The following DOCK4 variants were observed in gnomAD, a reference collection of about 807,000 sequenced individuals.
DOCK4 encodes the protein dedicator of cytokinesis protein 4.
A neutral mutation model predicts 268.1 loss-of-function variants in DOCK4; 97 were observed. That is an observed-to-expected ratio of 0.36 (90% CI 0.31 to 0.43). The LOEUF is 0.43. Among genes scored for constraint, DOCK4 ranks in the 20% least tolerant of loss-of-function variants. The pLI is 1.00. For synonymous variants in DOCK4, 954 were observed against 887.2 expected, an observed-to-expected ratio of 1.08 and a Z score of -1.34; for missense variants, 2,145 against 2,455.7, an observed-to-expected ratio of 0.87 and a Z score of 2.67.
At chr7:112,118,339 TAAC>T (rs1301790641) in intron 1 of DOCK4, among the ~76,000 whole-genome samples, 1 of 152,134 alleles carries the variant, frequency 6.6e-6, no homozygotes, top group African/African-American at 2.4e-5. Context: ...TTGTCATACT[TAAC>T]AAGATTTAAT....
At chr7:111,983,856 G>GCACACACACACACACACACACACACA (rs1454832356) in intron 7 of DOCK4, among the ~76,000 whole-genome samples, 7 of 92,094 alleles carry the variant, frequency 7.6e-5, no homozygotes, top group African/African-American at 2.2e-4. Flanking sequence ...GCGCGCGCGC[G>GCACACACACACACACACACACACACA]CGCGCGCACA....
At chr7:112,194,077 T>C (rs1430397244) in intron 1 of DOCK4, among the ~76,000 whole-genome samples, 1 of 152,188 alleles carries the variant, frequency 6.6e-6, no homozygotes, top group Non-Finnish European at 1.5e-5. Flanking sequence ...TATTGGGAGT[T>C]AGGGCTTCAA....
intron 30 of DOCK4, among the ~76,000 whole-genome samples, chr7:111,804,115 G>C (rs1440444905): frequency 6.6e-6 from 1 of 152,204 alleles, no homozygotes; most frequent in Non-Finnish European, 1.5e-5. Context: ...CTGAAAGCCA[G>C]ATTCTCAGAG....
At chr7:112,069,923 G>A (rs1474456518) in intron 1 of DOCK4, among the ~76,000 whole-genome samples, 2 of 152,224 alleles carry the variant, frequency 1.3e-5, no homozygotes, top group Non-Finnish European at 1.5e-5. Context: ...GCCATGGGAA[G>A]AGAGTTACAC....
intron 11 of DOCK4, among the ~76,000 whole-genome samples, chr7:111,937,023 G>A (rs932120758): frequency 6.6e-6 from 1 of 152,078 alleles, no homozygotes; most frequent in African/African-American, 2.4e-5. Flanking sequence ...CAGCCCAGTG[G>A]GGAAGAAAGA....
chr7:112,075,993 G>T (rs988932178), intron 1 of DOCK4, among the ~76,000 whole-genome samples: 2 of 152,018 alleles, frequency 1.3e-5, no homozygotes, highest in African/African-American at 4.8e-5. Flanking sequence ...AAATTAGTTT[G>T]TCAAAAAGAA....
intron 16 of DOCK4, among the ~76,000 whole-genome samples, chr7:111,889,899 C>T (rs954715365): frequency 1.3e-5 from 2 of 152,198 alleles, no homozygotes; most frequent in African/African-American, 4.8e-5. Context: ...CTCTACTAAG[C>T]AAAACTCTAG....
chr7:112,037,173 TAG>T (rs1803878131), intron 1 of DOCK4, among the ~76,000 whole-genome samples: 1 of 152,178 alleles, frequency 6.6e-6, no homozygotes, highest in Non-Finnish European at 1.5e-5. Context: ...TATTACAAAA[TAG>T]GCTTTGTGTT....
intron 44 of DOCK4, among the ~76,000 whole-genome samples, chr7:111,744,993 A>G (rs942114905): frequency 6.6e-6 from 1 of 152,152 alleles, no homozygotes; most frequent in Non-Finnish European, 1.5e-5. Flanking sequence ...TGCCTTTGTC[A>G]TGTTTCATCA....
At chr7:111,767,325 C>A (rs1390056756) in intron 37 of DOCK4, among the ~76,000 whole-genome samples, 1 of 150,828 alleles carries the variant, frequency 6.6e-6, no homozygotes, top group Non-Finnish European at 1.5e-5. Flanking sequence ...CTCCCTAGTT[C>A]AAGCGATTCT....
chr7:111,986,396 C>T (rs925257252), intron 6 of DOCK4, among the ~76,000 whole-genome samples: 7 of 152,128 alleles, frequency 4.6e-5, no homozygotes, highest in African/African-American at 7.2e-5. Context: ...AGCTTCCTGG[C>T]GTCCTGGTTA....
chr7:111,896,114 T>C (rs1418809382), intron 15 of DOCK4, among the ~76,000 whole-genome samples: 1 of 152,162 alleles, frequency 6.6e-6, no homozygotes, highest in Non-Finnish European at 1.5e-5. Flanking sequence ...AGTGAATGAA[T>C]GAAAGTGAAA....
At chr7:112,076,542 T>C (rs1808085006) in intron 1 of DOCK4, among the ~76,000 whole-genome samples, 2 of 152,144 alleles carry the variant, frequency 1.3e-5, no homozygotes, top group South Asian at 2.1e-4. Context: ...TAAGGCCCAC[T>C]TGATATTTTC....
At chr7:111,782,676 C>A (rs1473376954) in intron 35 of DOCK4, among the ~76,000 whole-genome samples, 188 bp downstream of exon 35, 1 of 152,134 alleles carries the variant, frequency 6.6e-6, no homozygotes, top group Non-Finnish European at 1.5e-5. Flanking sequence ...ATGTCTGGGA[C>A]TGAGGATTTC....
chr7:111,986,703 T>G (rs1246167814), intron 6 of DOCK4, among the ~76,000 whole-genome samples: 1 of 152,174 alleles, frequency 6.6e-6, no homozygotes, highest in Non-Finnish European at 1.5e-5. Context: ...TGTAGGACTG[T>G]ATGGGCAACA....
At chr7:111,743,107 G>A (rs530381478) in intron 44 of DOCK4, among the ~76,000 whole-genome samples, 6 of 152,284 alleles carry the variant, frequency 3.9e-5, no homozygotes, top group Middle Eastern at 6.8e-3. Context: ...GTGAGGATCC[G>A]AAGAGATGAA....
intron 13 of DOCK4, among the ~76,000 whole-genome samples, chr7:111,905,356 G>T (rs1791477193): frequency 6.6e-6 from 1 of 152,184 alleles, no homozygotes; most frequent in South Asian, 2.1e-4. Flanking sequence ...AAAATTTGAT[G>T]TGCACCACAC....
intron 1 of DOCK4, among the ~76,000 whole-genome samples, chr7:112,072,327 A>G (rs1218268242): frequency 6.6e-6 from 1 of 152,226 alleles, no homozygotes; most frequent in Non-Finnish European, 1.5e-5. Context: ...TGGAATCTTT[A>G]CTAAACTACA....
chr7:112,141,020 G>A (rs1368418581), intron 1 of DOCK4, among the ~76,000 whole-genome samples: 1 of 152,080 alleles, frequency 6.6e-6, no homozygotes, highest in African/African-American at 2.4e-5. Flanking sequence ...GTCTACACAT[G>A]ACTATTCTCA....
Sources: allele counts gnomAD v4.1 joint callset (sites outside exome capture counted in the v4.1 genomes callset), GRCh38; gene constraint gnomAD v4.1.1; transcripts MANE v1.5; gene names NCBI Gene and HGNC (gene_info 2026-07-23, HGNC 2026-07-21).